SCIN: variants seen among roughly 807,000 people sequenced by gnomAD.
SCIN encodes adseverin.
In SCIN, 91 loss-of-function variants were observed where a neutral mutation model predicts 91.8. That is an observed-to-expected ratio of 0.99 (90% confidence interval 0.84 to 1.18). SCIN has a LOEUF of 1.18. SCIN is among the 50% of genes most tolerant of loss of function. SCIN has a pLI of 0.00. For missense variants in SCIN, 1,087 were observed against 863.9 expected (o/e 1.26, Z -3.24); for synonymous variants, 367 against 312.6 (o/e 1.17, Z -1.84).
chr7:12,640,342 A>T lies in SCIN; in HGVS notation c.1411-5A>T, dbSNP rs751855238. The T allele has an allele frequency of 1.9e-6, 3 of 1,577,942 alleles. No individual in the cohort carries two copies. The highest frequency in any genetic ancestry group is 2.7e-5 in the African/African-American group (2 of 72,830). The stretch of plus-strand genomic sequence containing the variant: ...ATTTCTTTTATTCCCCCTCTCCCCC[A>T]TCAGATCCGAGTCTCCCAAGGCAAA... On this transcript the variant is annotated splice_polypyrimidine_tract_variant and splice_region_variant and intron_variant, in intron 10 of 15. Coordinates refer to ENST00000297029, the MANE Select transcript of SCIN (RefSeq NM_001112706.3).
chr7:12,585,787 A>G (rs1782575273), intron 3 of SCIN, among the ~76,000 whole-genome samples: 2 of 152,194 alleles, frequency 1.3e-5, no homozygotes, highest in African/African-American at 4.8e-5. Flanking sequence ...CTTAGTACCC[A>G]GTGCCTGACA....
At chr7:12,571,572 G>T (rs990747204) in intron 1 of SCIN, 1 of 468,102 alleles carries the variant, frequency 2.1e-6, no homozygotes. Flanking sequence ...GCTGCTTGTG[G>T]GTCTGGTAGA....
chr7:12,591,007 G>T (rs936216613), intron 3 of SCIN, among the ~76,000 whole-genome samples: 1 of 152,160 alleles, frequency 6.6e-6, no homozygotes, highest in African/African-American at 2.4e-5. Flanking sequence ...TTGGTCAAGG[G>T]AAACAACTGC....
At chr7:12,652,368 G>C (rs934957862) in intron 15 of SCIN, among the ~76,000 whole-genome samples, 8 of 152,146 alleles carry the variant, frequency 5.3e-5, no homozygotes. Flanking sequence ...GCAGACGAGA[G>C]AAATCAAAAA....
At position 12,651,780 on chromosome 7, in the gene SCIN, G is replaced by A. The variant is rs1393614865; in HGVS notation, c.1960-61G>A. ...ATGTGTGTGTGAAGCACTTTACATA[G>A]GGCCTAGCACTGAGTCAACATCCCA... On this transcript the variant is annotated intron_variant, in intron 14 of 15. Coordinates refer to ENST00000297029, the MANE Select transcript of SCIN (RefSeq NM_001112706.3). This position sits in a 1 kb window ranked among gnomAD's most constrained non-coding sequence, Gnocchi z 5.9. 11 of 1,060,562 alleles carry A rather than the reference G, an allele frequency of 1.0e-5. No individual in the cohort carries two copies. Among genetic ancestry groups the A allele is most frequent in the South Asian group, 1.4e-5 (1 of 71,034 alleles). The allele number at this position is 1,060,562 out of a possible 1,614,324, so 65.7% of individuals were successfully genotyped here.
chr7:12,640,494 G>C lies in SCIN; in HGVS notation c.1558G>C (p.Ala520Pro), dbSNP rs1222091364. The C allele has an allele frequency of 2.5e-6, 4 of 1,611,362 alleles. No homozygotes were observed. Among genetic ancestry groups the C allele is most frequent in the African/African-American group, 1.3e-5 (1 of 74,758 alleles). ...CCTCTTTCAAGTCCGGAGAAACCTG[G>C]CATCTATCACCAGAATTGTGGAGGT... ...TRLFQVRRNL[A>P]SITRIVEVDV... Residue 520 changes from alanine to proline, a missense_variant, in exon 11 of 16, where the codon GCA becomes CCA. Physicochemically the swap from Ala to Pro is conservative, Grantham distance 27. Coordinates refer to ENST00000297029, the MANE Select transcript of SCIN (RefSeq NM_001112706.3).
At chr7:12,601,305 T>C (rs1261732183) in intron 3 of SCIN, among the ~76,000 whole-genome samples, 3 of 152,158 alleles carry the variant, frequency 2.0e-5, no homozygotes, top group Non-Finnish European at 1.5e-5. Context: ...CAGTAAACCA[T>C]TTTTTGAGTG....
intron 8 of SCIN, among the ~76,000 whole-genome samples, chr7:12,628,050 T>C (rs954705028): frequency 3.3e-5 from 5 of 151,888 alleles, no homozygotes; most frequent in African/African-American, 1.2e-4. Flanking sequence ...TGTGTGTGTG[T>C]GTGTGTGTGT....
intron 1 of SCIN, among the ~76,000 whole-genome samples, chr7:12,574,828 C>A (rs73291373): frequency 0.017 from 2,661 of 152,110 alleles, 63 homozygotes; most frequent in African/African-American, 0.06. Flanking sequence ...CCAGGGCCTG[C>A]GCCTCACTAT....
At chr7:12,593,422 G>T (rs1782768379) in intron 3 of SCIN, among the ~76,000 whole-genome samples, 1 of 152,078 alleles carries the variant, frequency 6.6e-6, no homozygotes, top group African/African-American at 2.4e-5. Flanking sequence ...GGGGCAGATT[G>T]GGAAATAAAA....
chr7:12,642,655 A>C (rs1783880432), intron 11 of SCIN, among the ~76,000 whole-genome samples: 2 of 150,234 alleles, frequency 1.3e-5, no homozygotes, highest in African/African-American at 4.9e-5. Flanking sequence ...ACATGCCACA[A>C]ACAAAGGTCA....
chr7:12,593,983 G>A (rs1365031936), intron 3 of SCIN, among the ~76,000 whole-genome samples: 4 of 152,198 alleles, frequency 2.6e-5, no homozygotes, highest in Admixed American at 2.0e-4. Flanking sequence ...TATCAGGATC[G>A]GAGGAGAAGG....
At chr7:12,650,715 G>A (rs1265990816) in intron 14 of SCIN, among the ~76,000 whole-genome samples, 2 of 152,160 alleles carry the variant, frequency 1.3e-5, no homozygotes, top group Admixed American at 1.3e-4. Context: ...ACAAGGAGGA[G>A]GATATATACA....
At chr7:12,616,556 A>G (rs542453741) in intron 4 of SCIN, among the ~76,000 whole-genome samples, 2 of 152,266 alleles carry the variant, frequency 1.3e-5, no homozygotes, top group African/African-American at 4.8e-5. Flanking sequence ...GCAACTCCAA[A>G]CAGCGAAAAC....
intron 13 of SCIN, 74 bp from the exon 14 acceptor site, chr7:12,649,393 A>G (rs1435531453): frequency 3.6e-6 from 3 of 831,090 alleles, no homozygotes; most frequent in Non-Finnish European, 5.4e-6. Flanking sequence ...AAAAAAATAC[A>G]GGGCATTTCT....
rs148570223 is a variant in SCIN at position 12,581,223 on chromosome 7, T to G, written c.516+2T>G. On this transcript the variant is annotated splice_donor_variant, in intron 3 of 15. Coordinates refer to ENST00000297029, the MANE Select transcript of SCIN (RefSeq NM_001112706.3). LOFTEE classifies it high-confidence loss of function. ...TGCTTCATCATTGACCTTGGCACCG[T>G]AAGTTTCATATATACACATCGATGT... 1 of 1,551,018 alleles carries G rather than the reference T, an allele frequency of 6.4e-7. No homozygotes were observed. The highest frequency in any genetic ancestry group is 8.7e-7 in the Non-Finnish European group (1 of 1,146,502).
chr7:12,645,091 G>A (rs939684652), intron 13 of SCIN, among the ~76,000 whole-genome samples: 7 of 150,848 alleles, frequency 4.6e-5, no homozygotes, highest in South Asian at 2.1e-4. Flanking sequence ...AAGCTGAGAC[G>A]GGTGTATCAC....
chr7:12,575,254 A>G (rs1279091945), intron 1 of SCIN, among the ~76,000 whole-genome samples: 2 of 147,258 alleles, frequency 1.4e-5, no homozygotes, highest in African/African-American at 5.0e-5. Flanking sequence ...TTTTTTTTGG[A>G]TAGGTCTCTT....
At chr7:12,603,264 C>A (rs1392646079) in intron 3 of SCIN, among the ~76,000 whole-genome samples, 1 of 152,052 alleles carries the variant, frequency 6.6e-6, no homozygotes, top group African/African-American at 2.4e-5. Flanking sequence ...CCTGCCTCAG[C>A]CTTCTGAGTA....
Sources: allele counts gnomAD v4.1 joint callset (sites outside exome capture counted in the v4.1 genomes callset), GRCh38; gene constraint gnomAD v4.1.1; non-coding constraint Gnocchi (gnomAD v3.1); transcripts MANE v1.5; gene names NCBI Gene and HGNC (gene_info 2026-07-23, HGNC 2026-07-21).